Variants in ZNF860 observed in about 807,000 individuals in gnomAD.
ZNF860 encodes the protein zinc finger protein 860.
For synonymous variants in ZNF860, 206 were observed against 248.9 expected, an observed-to-expected ratio of 0.83 and a Z score of 1.62; for missense variants, 641 against 759.2, an observed-to-expected ratio of 0.84 and a Z score of 1.83.
At position 31,989,632 on chromosome 3, in the gene ZNF860, G is replaced by A. The variant is rs774082577; in HGVS notation, c.553G>A (p.Asp185Asn). 1.5e-5 allele frequency: 25 copies of A among 1,614,028 alleles called. No homozygotes were observed. Among genetic ancestry groups the A allele is most frequent in the African/African-American group, 2.7e-5 (2 of 74,912 alleles). The change falls in exon 2 of 2, where the codon GAT becomes AAT. Residue 185 changes from aspartate to asparagine, a missense_variant. By Grantham distance (23) the Asp-to-Asn change is conservative (BLOSUM62 1). Coordinates refer to ENST00000360311, the MANE Select transcript of ZNF860 (RefSeq NM_001137674.3). ...TAATCAAGTTGAGAAGTCTATCAAC[G>A]ATGCTTCCTCAGTTCTAACGTCCCA... ...VGNQVEKSIN[D>N]ASSVLTSQRI...
At chr3:31,983,668 C>G (rs1698894052) in intron 1 of ZNF860, among the ~76,000 whole-genome samples, 1 of 152,294 alleles carries the variant, frequency 6.6e-6, no homozygotes, top group African/African-American at 2.4e-5. Context: ...GCTCTCTTCA[C>G]CCGGTTTGTG....
At chr3:32,004,134 TTTC>T in the ZNF860 span, among the ~76,000 whole-genome samples, 1 of 152,218 alleles carries the variant, frequency 6.6e-6, no homozygotes, top group East Asian at 1.9e-4. Flanking sequence ...TTTTAAATGA[TTTC>T]TTATTTAAAA....
chr3:32,002,132 A>C, the ZNF860 span, among the ~76,000 whole-genome samples: 1 of 152,174 alleles, frequency 6.6e-6, no homozygotes, highest in Non-Finnish European at 1.5e-5. Context: ...TCTAGGGGAA[A>C]ACATTACTCA....
chr3:31,991,393 G>T lies in ZNF860; in HGVS notation c.*415G>T. On this transcript the variant is annotated 3_prime_UTR_variant, in exon 2 of 2. Transcript: ENST00000360311. ...TAATCTTTCCAATCCATCAATATGG[G>T]TCATATCTCTATTTATATAAGTTTT... The T allele has an allele frequency of 5.8e-6, 1 of 171,286 alleles. No homozygotes were observed. Among genetic ancestry groups the T allele is most frequent in the Admixed American group, 6.3e-5 (1 of 15,938 alleles). The allele number at this position is 171,286 out of a possible 1,614,324, so 10.6% of individuals were successfully genotyped here. A position where few individuals can be genotyped will look rare whatever the true frequency, so the allele number is the denominator to read the frequency against.
Position 31,988,910 on chromosome 3 carries a change from A to C in ZNF860, c.-170A>C. 8.9e-6 allele frequency: 7 copies of C among 782,502 alleles called. No homozygotes were observed. The highest frequency in any genetic ancestry group is 1.2e-5 in the Non-Finnish European group (6 of 495,286). 48.5% of individuals were successfully genotyped at this position (782,502 alleles called of 1,614,324 possible). A position where few individuals can be genotyped will look rare whatever the true frequency, so the allele number is the denominator to read the frequency against. ...ACACTGAGCCAGGAACACCCAGCTG[A>C]AGTGCCTCCAAACCCCGACCCACAG... On this transcript the variant is annotated 5_prime_UTR_variant, in exon 2 of 2. An upstream open reading frame in the 5' UTR loses its in-frame stop. Transcript: ENST00000360311.
chr3:31,997,375 G>A, the ZNF860 span, among the ~76,000 whole-genome samples: 3 of 150,974 alleles, frequency 2.0e-5, no homozygotes, highest in African/African-American at 2.4e-5. Flanking sequence ...AGGGATCCTC[G>A]TGCCTCAGCC....
Position 31,989,840 on chromosome 3 carries a change from G to A in ZNF860, c.761G>A (p.Gly254Glu), listed in dbSNP as rs557783811. The A allele has an allele frequency of 1.2e-6, 2 of 1,613,926 alleles. No individual in the cohort carries two copies. The highest frequency in any genetic ancestry group is 1.7e-6 in the Non-Finnish European group (2 of 1,180,006). The change falls in exon 2 of 2, where the codon GGA becomes GAA. Residue 254 changes from glycine to glutamate, a missense_variant. Physicochemically the swap from Gly to Glu is moderately conservative, Grantham distance 98. Coordinates refer to ENST00000360311, the MANE Select transcript of ZNF860 (RefSeq NM_001137674.3). ...AGGAAACATCAGATAATCTATTTAG[G>A]AGGGAAACAATATAAATGTGATGTA... is the stretch of plus-strand genomic sequence containing the variant. The part of the protein sequence containing the change: ...LLRKHQIIYL[G>E]GKQYKCDVCG...
chr3:31,993,730 T>A (rs933713164), downstream of ZNF860, among the ~76,000 whole-genome samples: 2 of 151,672 alleles, frequency 1.3e-5, no homozygotes, highest in Non-Finnish European at 2.9e-5. Flanking sequence ...CAAGTGCTGG[T>A]GAGGATGTGG....
the ZNF860 span, among the ~76,000 whole-genome samples, chr3:32,005,649 G>A: frequency 1.3e-5 from 2 of 151,952 alleles, no homozygotes; most frequent in African/African-American, 4.8e-5. Context: ...GTGCAGTGTC[G>A]CTGTCTCGGC....
At chr3:31,992,358 A>G (rs6806060), downstream of ZNF860, among the ~76,000 whole-genome samples, 17,094 of 152,200 alleles carry the variant, frequency 0.11, 2,604 homozygotes, top group African/African-American at 0.35. Flanking sequence ...TTATTATAAA[A>G]CAATACAACT....
Position 31,988,974 on chromosome 3 carries a change from G to T in ZNF860, c.-106G>T. On this transcript the variant is annotated 5_prime_UTR_variant, in exon 2 of 2. Transcript: ENST00000360311. ...ATCAGTGTTTGTTGCCTTAAGCCAC[G>T]AAGTTTGTGATAATTTGTTTCTCGG... 2 of 1,472,718 alleles carry T rather than the reference G, an allele frequency of 1.4e-6. No individual in the cohort carries two copies. The highest frequency in any genetic ancestry group is 1.8e-6 in the Non-Finnish European group (2 of 1,083,004). The allele number at this position is 1,472,718 out of a possible 1,614,324, so 91.2% of individuals were successfully genotyped here.
chr3:31,994,427 T>TA (rs1394319973), downstream of ZNF860, among the ~76,000 whole-genome samples: 2 of 152,114 alleles, frequency 1.3e-5, no homozygotes, highest in East Asian at 3.9e-4. Flanking sequence ...GAAAAAGGTA[T>TA]ATGAGGTCAA....
downstream of ZNF860, among the ~76,000 whole-genome samples, chr3:31,992,877 CCT>C (rs1205148627): frequency 6.6e-6 from 1 of 152,144 alleles, no homozygotes; most frequent in African/African-American, 2.4e-5. Flanking sequence ...ATGGCACATG[CCT>C]GTAGTCCTAG....
rs185506896 is a variant in ZNF860 at position 31,983,104 on chromosome 3, C to A, written c.-421+1202C>A. On this transcript the variant is annotated intron_variant, in intron 1 of 1. Transcript: ENST00000360311. ...AAGCCAGTTAGTGTTGGCCATGTAA[C>A]ATGCACAAAATGTTTGTTTGAAGCC... Among the ~76,000 whole-genome samples, 180 of 152,324 alleles carry A rather than the reference C, an allele frequency of 1.2e-3. 1 individual carries two copies. Among genetic ancestry groups the A allele is most frequent in the African/African-American group, 4.0e-3 (167 of 41,576 alleles).
At chr3:31,988,119 G>C (rs1698962485) in intron 1 of ZNF860, among the ~76,000 whole-genome samples, 1 of 152,186 alleles carries the variant, frequency 6.6e-6, no homozygotes, top group Admixed American at 6.5e-5. Flanking sequence ...TGATCGCTTT[G>C]CACCTCCTGT....
chr3:31,995,521 T>G (rs1699082561), downstream of ZNF860, among the ~76,000 whole-genome samples: 1 of 152,166 alleles, frequency 6.6e-6, no homozygotes, highest in Non-Finnish European at 1.5e-5. Flanking sequence ...CTAAAATCGC[T>G]GTTATTCTGT....
At chr3:31,996,498 A>AG (rs36070904), downstream of ZNF860, among the ~76,000 whole-genome samples, 50,468 of 151,594 alleles carry the variant, frequency 0.33, 11,433 homozygotes, top group African/African-American at 0.64. Context: ...ATAAATTGCC[A>AG]GGGGGAGAAG....
At position 31,989,319 on chromosome 3, in the gene ZNF860, C is replaced by T; in HGVS notation, c.240C>T (p.Gly80=). ...MMKKFSSTAQ[G]NTEVDTGTLE... ...AGAAGTTCTCATCAACAGCGCAAGG[C>T]AATACAGAAGTGGACACAGGGACAT... Residue 80 remains glycine, a synonymous_variant, in exon 2 of 2, where the codon GGC becomes GGT. Transcript: ENST00000360311. 6.2e-7 allele frequency: 1 copy of T among 1,614,094 alleles called. No homozygotes were observed. Among genetic ancestry groups the T allele is most frequent in the Non-Finnish European group, 8.5e-7 (1 of 1,180,010 alleles).
intron 1 of ZNF860, among the ~76,000 whole-genome samples, chr3:31,984,193 C>G (rs1698901579): frequency 6.6e-6 from 1 of 152,148 alleles, no homozygotes; most frequent in South Asian, 2.1e-4. Context: ...GCACCTGCCA[C>G]CATGCCCAGC....
Sources: gnomAD v4.1 joint callset for allele counts (sites outside exome capture counted in the v4.1 genomes callset) on GRCh38, gnomAD v4.1.1 for gene constraint, MANE v1.5 for transcripts, NCBI Gene and HGNC (gene_info 2026-07-23, HGNC 2026-07-21) for gene names.